UBAP2: variants seen among roughly 807,000 people sequenced by gnomAD.
UBAP2 encodes the protein ubiquitin associated protein 2, also known as ubiquitin-associated protein 2.
Under a neutral mutation model 139.6 loss-of-function variants are expected in UBAP2, and 75 were observed. The ratio of observed to expected loss-of-function variants is 0.54; its 90% CI spans 0.45 to 0.65. The LOEUF is 0.65. Among genes scored for constraint, UBAP2 ranks in the 30% least tolerant of loss-of-function variants. The pLI is 0.00. For synonymous variants in UBAP2, 526 were observed against 526.2 expected, an observed-to-expected ratio of 1.00 and a Z score of 0.01; for missense variants, 1,368 against 1,369.6, an observed-to-expected ratio of 1.00 and a Z score of 0.02.
intron 1 of UBAP2, among the ~76,000 whole-genome samples, chr9:34,028,947 T>C (rs903359833): frequency 3.9e-5 from 6 of 151,906 alleles, no homozygotes; most frequent in Admixed American, 6.6e-5. Flanking sequence ...TCCTCGTCTA[T>C]ACAATAAATT....
At chr9:33,996,143 C>T in intron 4 of UBAP2, 80 bp downstream of exon 4, 2 of 1,071,404 alleles carry the variant, frequency 1.9e-6, no homozygotes, top group Middle Eastern at 2.0e-4. Flanking sequence ...CCATCCCTAC[C>T]CCCAAACAAG....
intron 1 of UBAP2, among the ~76,000 whole-genome samples, chr9:34,043,605 C>T (rs937159875): frequency 4.3e-4 from 27 of 63,236 alleles, no homozygotes; most frequent in African/African-American, 1.5e-3. Context: ...GCAATCCTCC[C>T]ACCTCAGCCT....
intron 6 of UBAP2, among the ~76,000 whole-genome samples, chr9:33,979,873 A>G (rs574861237): frequency 4.0e-4 from 60 of 151,768 alleles, no homozygotes; most frequent in Admixed American, 1.2e-3. Context: ...TCTCTAAATA[A>G]ATAAATAAGT....
intron 6 of UBAP2, among the ~76,000 whole-genome samples, chr9:33,975,335 G>A (rs771757822): frequency 1.3e-4 from 20 of 151,960 alleles, no homozygotes; most frequent in Admixed American, 3.9e-4. Flanking sequence ...GGGAGGCTGA[G>A]GCAGGAGAAA....
In UBAP2 at chr9:34,002,740, A is replaced by T. The variant is rs371497703; in HGVS notation, c.100-3876T>A. On this transcript the variant is annotated intron_variant, in intron 2 of 28. Transcript: ENST00000379238. ...TAGGCTGGAGTGCAATGGCACAATC[A>T]GTGCTCACTACAGCTGCCTCCCAGG... Among the ~76,000 whole-genome samples, 38 of 151,828 alleles carry T rather than the reference A, an allele frequency of 2.5e-4. No homozygotes were observed. The East Asian group carries it at 4.3e-3, about 17-fold the overall frequency.
intron 7 of UBAP2, 104 bp downstream of exon 7, chr9:33,973,079 T>G: frequency 2.0e-6 from 2 of 980,610 alleles, no homozygotes; most frequent in Non-Finnish European, 3.2e-6. Context: ...TAGAAAACAC[T>G]AGATTCACCA....
At position 34,016,273 on chromosome 9, in the gene UBAP2, AAGGAGGAAGAGGAGG is replaced by A. The variant is rs1564064138; in HGVS notation, c.99+762_99+776del. Among the ~76,000 whole-genome samples, 2 of 10,702 alleles carry A rather than the reference AAGGAGGAAGAGGAGG, an allele frequency of 1.9e-4. 1 individual carries two copies. The highest frequency in any genetic ancestry group is 4.1e-4 in the African/African-American group (2 of 4,906). The allele number at this position is 10,702 out of a possible 152,430, so 7.0% of individuals were successfully genotyped here. On this transcript the variant is annotated intron_variant, in intron 2 of 28. Transcript: ENST00000379238. ...GGAGGAGGAGGAAGAGGAGGAAGAG[AAGGAGGAAGAGGAGG>A]AGGAGGAAGAGGAGGAAGAGGAGGA...
At chr9:33,927,530 G>T (rs1394423972) in intron 20 of UBAP2, among the ~76,000 whole-genome samples, 4 of 152,120 alleles carry the variant, frequency 2.6e-5, no homozygotes, top group African/African-American at 9.7e-5. Context: ...GTCATCCCTG[G>T]CCCCTCCAAG....
chr9:33,974,793 A>T (rs1331112349), intron 6 of UBAP2, among the ~76,000 whole-genome samples: 1 of 151,920 alleles, frequency 6.6e-6, no homozygotes, highest in Non-Finnish European at 1.5e-5. Context: ...CTCTAATAAA[A>T]ATACAAAAAT....
intron 10 of UBAP2, among the ~76,000 whole-genome samples, chr9:33,957,723 A>C (rs1826686814): frequency 6.6e-6 from 1 of 152,206 alleles, no homozygotes; most frequent in African/African-American, 2.4e-5. Flanking sequence ...GGAAAACATA[A>C]AAATGCTACT....
At chr9:33,938,664 T>C (rs1036370816) in intron 16 of UBAP2, among the ~76,000 whole-genome samples, 1 of 151,774 alleles carries the variant, frequency 6.6e-6, no homozygotes, top group Non-Finnish European at 1.5e-5. Flanking sequence ...AGCATGGTGA[T>C]GGGTGCCTGT....
intron 1 of UBAP2, among the ~76,000 whole-genome samples, chr9:34,027,401 G>A (rs1188635621): frequency 5.3e-5 from 8 of 151,870 alleles, no homozygotes; most frequent in African/African-American, 1.9e-4. Context: ...GAATCCACTT[G>A]AATTTATTTA....
rs193298380 is a variant in UBAP2 at position 33,956,909 on chromosome 9, G to A, written c.799-763C>T. Among the ~76,000 whole-genome samples the A allele has an allele frequency of 5.4e-5, 8 of 148,100 alleles. No individual in the cohort carries two copies. The East Asian group carries it at 1.4e-3, about 27-fold the overall frequency. On this transcript the variant is annotated intron_variant, in intron 10 of 28. Coordinates refer to ENST00000379238, the MANE Select transcript of UBAP2 (RefSeq NM_001370062.2). ...GAGGCAGGAGGATTGCTTGAGGCCA[G>A]AAGTAAGGCTTCATCTCTAGGAAAA...
chr9:33,953,670 G>A (rs980019908), intron 11 of UBAP2, among the ~76,000 whole-genome samples, 196 bp from the exon 12 acceptor site: 1 of 152,110 alleles, frequency 6.6e-6, no homozygotes, highest in African/African-American at 2.4e-5. Context: ...GACTGAAGCA[G>A]GGTTTTGCAG....
intron 17 of UBAP2, among the ~76,000 whole-genome samples, chr9:33,934,545 C>A (rs1824287095): frequency 6.6e-6 from 1 of 152,112 alleles, no homozygotes; most frequent in Non-Finnish European, 1.5e-5. Flanking sequence ...ATATATAAAC[C>A]TTGTTCATAG....
intron 1 of UBAP2, among the ~76,000 whole-genome samples, chr9:34,037,547 A>G (rs1344208278): frequency 1.3e-5 from 2 of 152,232 alleles, no homozygotes; most frequent in African/African-American, 4.8e-5. Context: ...CATGGAATAC[A>G]TATTTTTAGA....
At chr9:34,041,464 CA>C (rs1226126055) in intron 1 of UBAP2, among the ~76,000 whole-genome samples, 87 of 82,494 alleles carry the variant, frequency 1.1e-3, no homozygotes, top group Admixed American at 1.9e-3. Flanking sequence ...AACTCCATCT[CA>C]AAAAAAAAAA....
At chr9:33,932,863 C>T (rs1279115636) in intron 18 of UBAP2, among the ~76,000 whole-genome samples, 3 of 152,186 alleles carry the variant, frequency 2.0e-5, no homozygotes, top group Non-Finnish European at 4.4e-5. Flanking sequence ...CAACGACATC[C>T]ATTTGCTCCT....
intron 6 of UBAP2, among the ~76,000 whole-genome samples, chr9:33,982,541 T>C (rs1820854052): frequency 7.3e-6 from 1 of 137,266 alleles, no homozygotes; most frequent in Admixed American, 7.6e-5. Context: ...TTAAATGGAC[T>C]ATGTTTTTGA....
Sources: allele counts gnomAD v4.1 joint callset (sites outside exome capture counted in the v4.1 genomes callset), GRCh38; gene constraint gnomAD v4.1.1; transcripts MANE v1.5; gene names NCBI Gene and HGNC (gene_info 2026-07-23, HGNC 2026-07-21).